The following COL23A1 variants were observed in gnomAD, a reference collection of about 807,000 sequenced individuals.
COL23A1 encodes the protein collagen alpha-1(XXIII) chain.
A neutral mutation model predicts 99.3 loss-of-function variants in COL23A1; 97 were observed. The observed-to-expected ratio is 0.98, with a 90% confidence interval of 0.83 to 1.16. The LOEUF (loss-of-function observed/expected upper bound fraction) is 1.16, where lower values mean the gene tolerates loss of function less well. Among genes scored for constraint, COL23A1 ranks in the 50% most tolerant of loss-of-function variants. The pLI is 0.00. For synonymous variants in COL23A1, 320 were observed against 308.2 expected, an observed-to-expected ratio of 1.04 and a Z score of -0.40; for missense variants, 762 against 757.4, an observed-to-expected ratio of 1.01 and a Z score of -0.07.
At chr5:178,436,900 A>G (rs1766592224) in intron 2 of COL23A1, among the ~76,000 whole-genome samples, 1 of 152,206 alleles carries the variant, frequency 6.6e-6, no homozygotes, top group African/African-American at 2.4e-5. Flanking sequence ...GCACAGTGGT[A>G]GACGGTGGAG....
intron 2 of COL23A1, among the ~76,000 whole-genome samples, chr5:178,337,733 A>AC (rs1554140806): frequency 6.7e-6 from 1 of 148,222 alleles, no homozygotes; most frequent in African/African-American, 2.6e-5. Flanking sequence ...CTCCACAGAC[A>AC]CCCCCCATCT....
At chr5:178,253,214 C>T (rs1043139765) in intron 16 of COL23A1, among the ~76,000 whole-genome samples, 7 of 152,114 alleles carry the variant, frequency 4.6e-5, no homozygotes, top group African/African-American at 7.2e-5. Flanking sequence ...CACTCCTCCC[C>T]TCCCTTCTGA....
chr5:178,510,844 A>G (rs1469932401), intron 2 of COL23A1, among the ~76,000 whole-genome samples: 1 of 152,200 alleles, frequency 6.6e-6, no homozygotes, highest in Non-Finnish European at 1.5e-5. Flanking sequence ...CTGTACAAGC[A>G]AAAACCTGGA....
At chr5:178,260,705 A>G (rs1177752060) in intron 11 of COL23A1, among the ~76,000 whole-genome samples, 1 of 152,216 alleles carries the variant, frequency 6.6e-6, no homozygotes, top group Non-Finnish European at 1.5e-5. Context: ...GAAGCAGAAG[A>G]ATCACTTGAA....
At chr5:178,257,489 G>A (rs1444259348) in intron 13 of COL23A1, 34 bp downstream of exon 13, 3 of 1,560,500 alleles carry the variant, frequency 1.9e-6, no homozygotes, top group Non-Finnish European at 2.6e-6. Context: ...GGAGGTGGGG[G>A]CAGGGGGCCA....
rs202201885 is a variant in COL23A1, at chr5:178,406,877, A to G, written c.362-99958T>C. 2.0e-5 allele frequency among the ~76,000 whole-genome samples: 3 copies of G among 152,234 alleles called. No homozygotes were observed. The East Asian group carries it at 5.8e-4, about 29-fold the overall frequency. On this transcript the variant is annotated intron_variant, in intron 2 of 28. Coordinates refer to ENST00000390654, the MANE Select transcript of COL23A1 (RefSeq NM_173465.4). The stretch of plus-strand genomic sequence containing the variant: ...AAAATGTTATAAAGCTACAATAATT[A>G]AAACAACTTGGCAAAAAGATACAGT...
chr5:178,470,149 AT>A (rs1446316999), intron 2 of COL23A1, among the ~76,000 whole-genome samples: 1 of 152,230 alleles, frequency 6.6e-6, no homozygotes, highest in African/African-American at 2.4e-5. Flanking sequence ...GGCTAAACAC[AT>A]AAATTAATGC....
chr5:178,350,642 A>G (rs927200661), intron 2 of COL23A1, among the ~76,000 whole-genome samples: 3 of 152,210 alleles, frequency 2.0e-5, no homozygotes, highest in African/African-American at 4.8e-5. Context: ...TTGCAATGAC[A>G]GCATTGAAGG....
intron 2 of COL23A1, among the ~76,000 whole-genome samples, chr5:178,432,258 G>C (rs767950760): frequency 7.2e-5 from 11 of 152,194 alleles, no homozygotes; most frequent in Non-Finnish European, 1.6e-4. Context: ...AAAAGAGAAA[G>C]CACTCCAAGG....
chr5:178,543,201 A>G (rs928140751), intron 2 of COL23A1, among the ~76,000 whole-genome samples: 15 of 149,970 alleles, frequency 1.0e-4, no homozygotes, highest in African/African-American at 3.7e-4. Context: ...TCCGCCTCCC[A>G]GGTTCAACCG....
At chr5:178,257,435 C>CT in intron 13 of COL23A1, 88 bp downstream of exon 13, 3 of 1,470,782 alleles carry the variant, frequency 2.0e-6, no homozygotes, top group Non-Finnish European at 2.8e-6. Flanking sequence ...CCCGTGGTGC[C>CT]AAAGGTCCAG....
intron 2 of COL23A1, among the ~76,000 whole-genome samples, chr5:178,386,002 C>T (rs1476869078): frequency 1.3e-5 from 2 of 152,084 alleles, no homozygotes; most frequent in Non-Finnish European, 2.9e-5. Context: ...CAGAAGAAGG[C>T]AGAGTGCATA....
intron 2 of COL23A1, among the ~76,000 whole-genome samples, chr5:178,323,960 G>T (rs1581153414): frequency 1.3e-5 from 2 of 152,336 alleles, no homozygotes; most frequent in Non-Finnish European, 2.9e-5. Context: ...ACCCGGATGT[G>T]TTCAATTCCA....
chr5:178,487,575 C>G (rs999555561), intron 2 of COL23A1, among the ~76,000 whole-genome samples: 17 of 152,080 alleles, frequency 1.1e-4, no homozygotes, highest in Admixed American at 5.2e-4. Flanking sequence ...CCCAGGATGG[C>G]CAGACATTTA....
At chr5:178,315,867 G>A (rs1269742817) in intron 2 of COL23A1, among the ~76,000 whole-genome samples, 1 of 144,034 alleles carries the variant, frequency 6.9e-6, no homozygotes, top group Non-Finnish European at 1.5e-5. Flanking sequence ...AACAAGCACT[G>A]TATTCCTTGA....
intron 2 of COL23A1, among the ~76,000 whole-genome samples, chr5:178,394,350 C>T (rs1053791803): frequency 2.0e-5 from 3 of 152,216 alleles, no homozygotes; most frequent in African/African-American, 7.2e-5. Flanking sequence ...CTCGGAGCCA[C>T]TCCCAGCTGG....
At chr5:178,247,411 C>G (rs1477094075) in intron 22 of COL23A1, 115 bp downstream of exon 22, 1 of 1,240,328 alleles carries the variant, frequency 8.1e-7, no homozygotes, top group East Asian at 2.4e-5. Flanking sequence ...GCTGGGAAGA[C>G]TCAGGGATGG....
At chr5:178,373,816 A>G (rs1240632211) in intron 2 of COL23A1, among the ~76,000 whole-genome samples, 1 of 152,136 alleles carries the variant, frequency 6.6e-6, no homozygotes, top group Non-Finnish European at 1.5e-5. Context: ...TCCTCGTCCC[A>G]GGGGGCTGCC....
At chr5:178,445,178 C>T (rs537613738) in intron 2 of COL23A1, among the ~76,000 whole-genome samples, 14 of 152,262 alleles carry the variant, frequency 9.2e-5, no homozygotes, top group African/African-American at 1.4e-4. Flanking sequence ...ATATAACTTA[C>T]GACATTAATT....
Sources: gnomAD v4.1 joint callset for allele counts (sites outside exome capture counted in the v4.1 genomes callset) on GRCh38, gnomAD v4.1.1 for gene constraint, MANE v1.5 for transcripts, NCBI Gene and HGNC (gene_info 2026-07-23, HGNC 2026-07-21) for gene names.